Variants in HOXA5 observed in about 807,000 individuals in gnomAD.
HOXA5 encodes homeobox protein Hox-A5.
A neutral mutation model predicts 20.0 loss-of-function variants in HOXA5; 12 were observed. That is an observed-to-expected ratio of 0.60 (90% CI 0.38 to 0.97). HOXA5 has a LOEUF of 0.97. Among genes scored for constraint, HOXA5 ranks in the 50% least tolerant of loss-of-function variants. The pLI is 0.00. For synonymous variants in HOXA5, 159 were observed against 157.7 expected (o/e 1.01, Z -0.06); for missense variants, 352 against 380.3 (o/e 0.93, Z 0.62).
chr7:27,141,702 T>TA lies in HOXA5; in HGVS notation c.*132dup. ...TAATGGCAATAAACAGGCTCATGAT[T>TA]AAAAGATGAATTAGGGCAACGAGAA... is the stretch of plus-strand genomic sequence containing the variant. On this transcript the variant is annotated 3_prime_UTR_variant, in exon 2 of 2. Coordinates refer to ENST00000222726, the MANE Select transcript of HOXA5 (RefSeq NM_019102.4). The TA allele has an allele frequency of 8.8e-7, 1 of 1,135,154 alleles. No individual in the cohort carries two copies. Among genetic ancestry groups the TA allele is most frequent in the Non-Finnish European group, 1.3e-6 (1 of 796,082 alleles). The allele number at this position is 1,135,154 out of a possible 1,614,324, so 70.3% of individuals were successfully genotyped here.
rs1026312087 is a variant in HOXA5, at chr7:27,141,836, C to T, written c.812G>A (p.Ter271=). The T allele has an allele frequency of 6.2e-7, 1 of 1,613,714 alleles. No individual in the cohort carries two copies. Among genetic ancestry groups the T allele is most frequent in the Non-Finnish European group, 8.5e-7 (1 of 1,179,948 alleles). ...MAAAGGAFRP[*] ...TCAGTACTTTAAACGCTCAGATACT[C>T]AGGGACGGAAGGCCCCTCCTGCCGC... Residue 271 remains the stop codon, a stop_retained_variant, in exon 2 of 2, where the codon TGA becomes TAA. Transcript: ENST00000222726.
chr7:27,142,691 A>C, intron 1 of HOXA5: 1 of 285,686 alleles, frequency 3.5e-6, no homozygotes. Flanking sequence ...CCGCCGTGAC[A>C]AGCCCGATTC....
At position 27,143,388 on chromosome 7, in the gene HOXA5, C is replaced by G. The variant is rs773901396; in HGVS notation, c.220G>C (p.Ala74Pro). ...FGSGERARSYAASASAAPAEP... is the reference protein window; with the variant it reads ...FGSGERARSYPASASAAPAEP... Reference sequence around the variant, plus strand: ...GCGGGCGCCGCGCTGGCGCTGGCAGCGTAGCTGCGGGCGCGCTCTCCGGAG... The same window carrying G: ...GCGGGCGCCGCGCTGGCGCTGGCAGGGTAGCTGCGGGCGCGCTCTCCGGAG... Residue 74 changes from alanine (A) to proline (P), a missense_variant, in exon 1 of 2, where the codon GCT (alanine) becomes CCT (proline). Transcript: ENST00000222726. 7.5e-6 allele frequency: 12 copies of G among 1,601,744 alleles called. No individual in the cohort carries two copies. The Admixed American group carries it at 1.5e-4, about 20-fold the overall frequency.
Position 27,143,652 on chromosome 7 carries a change from G to C in HOXA5, c.-45C>G. On this transcript the variant is annotated 5_prime_UTR_variant, in exon 1 of 2. Transcript: ENST00000222726. ...CTTGATTTGTGGCTCGCGGTCGTTT[G>C]TGCGTCTATAGCACCCTTGCACAAT... 6.5e-7 allele frequency: 1 copy of C among 1,548,968 alleles called. No individual in the cohort carries two copies. The highest frequency in any genetic ancestry group is 1.3e-5 in the South Asian group (1 of 79,984).
intron 1 of HOXA5, 156 bp downstream of exon 1, chr7:27,142,883 GAGGAGGA>G (rs947675406): frequency 4.5e-5 from 29 of 643,334 alleles, no homozygotes; most frequent in Middle Eastern, 4.5e-4. Context: ...TCGCAAAGAA[GAGGAGGA>G]AGGAGGAAGG....
In HOXA5 at chr7:27,143,103, C is replaced by A; in HGVS notation, c.505G>T (p.Ala169Ser). 6.4e-7 allele frequency: 1 copy of A among 1,569,600 alleles called. No homozygotes were observed. Among genetic ancestry groups the A allele is most frequent in the Non-Finnish European group, 8.6e-7 (1 of 1,163,144 alleles). The change falls in exon 1 of 2, where the codon GCG (alanine) becomes TCG (serine). Residue 169 changes from alanine to serine, a missense_variant. By Grantham distance (99) the Ala-to-Ser change is moderately conservative. Coordinates refer to ENST00000222726, the MANE Select transcript of HOXA5 (RefSeq NM_019102.4). ...TAGATCTGGGGTTGGGCGGGCGGCG[C>A]CGGGCTCGGCTCGCTCTGCGCACTC... is the stretch of plus-strand genomic sequence containing the variant. ...QASAQSEPSP[A>S]PPAQPQIYPW...
chr7:27,143,379 C>A lies in HOXA5; in HGVS notation c.229G>T (p.Ala77Ser), dbSNP rs1461478454. The stretch of plus-strand genomic sequence containing the variant: ...CTGGGCTCGGCGGGCGCCGCGCTGG[C>A]GCTGGCAGCGTAGCTGCGGGCGCGC... The part of the protein sequence containing the change: ...GERARSYAAS[A>S]SAAPAEPRYS... The change falls in exon 1 of 2, where the codon GCC becomes TCC. Residue 77 changes from alanine to serine, a missense_variant. Physicochemically the swap from Ala to Ser is moderately conservative, Grantham distance 99 (BLOSUM62 1). Around this residue, in one of 3 missense-constraint regions of HOXA5, gnomAD observed 319 missense variants for 336.5 expected, o/e 0.95. Coordinates refer to ENST00000222726, the MANE Select transcript of HOXA5 (RefSeq NM_019102.4). 1.3e-6 allele frequency: 2 copies of A among 1,594,656 alleles called. No homozygotes were observed. The highest frequency in any genetic ancestry group is 1.3e-5 in the African/African-American group (1 of 74,400).
chr7:27,141,538 CTT>C lies in HOXA5; in HGVS notation c.*295_*296del, dbSNP rs1782569677. ...GGACTTTTTGTGTGTTTTTTTTTCT[CTT>C]TTCTTTTTTTGTTATAGTTACTTCA... On this transcript the variant is annotated 3_prime_UTR_variant, in exon 2 of 2. Transcript: ENST00000222726. The C allele has an allele frequency of 4.2e-6, 1 of 239,476 alleles. No homozygotes were observed. The highest frequency in any genetic ancestry group is 8.8e-5 in the South Asian group (1 of 11,308). 14.8% of individuals were successfully genotyped at this position (239,476 alleles called of 1,614,324 possible).
At position 27,141,644 on chromosome 7, in the gene HOXA5, G is replaced by T; in HGVS notation, c.*191C>A. The T allele has an allele frequency of 1.7e-6, 1 of 596,316 alleles. No homozygotes were observed. Among genetic ancestry groups the T allele is most frequent in the South Asian group, 2.8e-5 (1 of 35,246 alleles). 36.9% of individuals were successfully genotyped at this position (596,316 alleles called of 1,614,324 possible). A position where few individuals can be genotyped will look rare whatever the true frequency, so the allele number is the denominator to read the frequency against. On this transcript the variant is annotated 3_prime_UTR_variant, in exon 2 of 2. Transcript: ENST00000222726. ...ACAAAGCCATTCAGGACAAAGAGAT[G>T]AACAGAAAGCAGATCTACTTATACA...
Position 27,143,482 on chromosome 7 carries a change from G to T in HOXA5, c.126C>A (p.Ser42=). ...CATTGTAGCCGTAGCCGTACCTGCCGGAGTGCATGCTCGCCGAGTCCCTGA... is the reference window on the plus strand; with the variant it reads ...CATTGTAGCCGTAGCCGTACCTGCCTGAGTGCATGCTCGCCGAGTCCCTGA... The part of the protein sequence containing the change: ...EQFRDSASMH[S]GRYGYGYNGM... The change falls in exon 1 of 2, where the codon TCC becomes TCA. Residue 42 remains serine (S), a synonymous_variant. Coordinates refer to ENST00000222726, the MANE Select transcript of HOXA5 (RefSeq NM_019102.4). The T allele has an allele frequency of 1.2e-6, 2 of 1,613,868 alleles. No individual in the cohort carries two copies. Among genetic ancestry groups the T allele is most frequent in the Non-Finnish European group, 1.7e-6 (2 of 1,179,946 alleles).
rs3735527 is a variant in HOXA5 at position 27,142,115 on chromosome 7, C to G, written c.563-30G>C. ...AATAGAAAAGTCAGCGGTTTAGCCA[C>G]CAACTCCTGTCTTCCAAAGTCCGCC... On this transcript the variant is annotated intron_variant, in intron 1 of 1. Coordinates refer to ENST00000222726, the MANE Select transcript of HOXA5 (RefSeq NM_019102.4). 1.6e-5 allele frequency: 26 copies of G among 1,601,610 alleles called. No homozygotes were observed. In the East Asian group the frequency reaches 5.8e-4, roughly 36 times the overall value.
At chr7:27,142,837 C>A (rs865991134) in intron 1 of HOXA5, 50 of 524,934 alleles carry the variant, frequency 9.5e-5, no homozygotes, top group African/African-American at 9.1e-4. Flanking sequence ...TCCCAGAGAA[C>A]GCCCATTTCC....
chr7:27,143,472 C>T lies in HOXA5; in HGVS notation c.136G>A (p.Gly46Ser), dbSNP rs1355959652. The T allele has an allele frequency of 2.5e-6, 4 of 1,613,726 alleles. No homozygotes were observed. Among genetic ancestry groups the T allele is most frequent in the Non-Finnish European group, 3.4e-6 (4 of 1,179,948 alleles). The change falls in exon 1 of 2, where the codon GGC becomes AGC. Residue 46 changes from glycine (G) to serine (S), a missense_variant. Coordinates refer to ENST00000222726, the MANE Select transcript of HOXA5 (RefSeq NM_019102.4). ...DSASMHSGRY[G>S]YGYNGMDLSV... is the part of the protein sequence containing the mutation. Reference sequence around the variant, plus strand: ...AGATCCATGCCATTGTAGCCGTAGCCGTACCTGCCGGAGTGCATGCTCGCC... The same window carrying T: ...AGATCCATGCCATTGTAGCCGTAGCTGTACCTGCCGGAGTGCATGCTCGCC...
In HOXA5 at chr7:27,141,113, C is replaced by CAAAAAAAAAAAAAAAAAAA. The variant is rs147485948; in HGVS notation, c.*703_*721dup. ...AGTATTTTTTCCTTAAAAACAAATA[C>CAAAAAAAAAAAAAAAAAAA]AAAAAAAAAAAAAAAAAAAAAAAAG... is the stretch of plus-strand genomic sequence containing the variant. On this transcript the variant is annotated 3_prime_UTR_variant, in exon 2 of 2. Transcript: ENST00000222726. The CAAAAAAAAAAAAAAAAAAA allele has an allele frequency of 1.3e-4, 11 of 82,918 alleles. No homozygotes were observed. Among genetic ancestry groups the CAAAAAAAAAAAAAAAAAAA allele is most frequent in the African/African-American group, 5.4e-4 (11 of 20,386 alleles). The allele number at this position is 82,918 out of a possible 1,614,324, so 5.1% of individuals were successfully genotyped here.
In HOXA5 at chr7:27,141,519, T is replaced by G; in HGVS notation, c.*316A>C. The G allele has an allele frequency of 5.5e-6, 1 of 182,414 alleles. No individual in the cohort carries two copies. The allele number at this position is 182,414 out of a possible 1,614,324, so 11.3% of individuals were successfully genotyped here. On this transcript the variant is annotated 3_prime_UTR_variant, in exon 2 of 2. Coordinates refer to ENST00000222726, the MANE Select transcript of HOXA5 (RefSeq NM_019102.4). The stretch of plus-strand genomic sequence containing the variant: ...ACTAAACGAGATTGAAGGGGGACTT[T>G]TTGTGTGTTTTTTTTTCTCTTTTCT...
At position 27,143,086 on chromosome 7, in the gene HOXA5, G is replaced by A. The variant is rs760237815; in HGVS notation, c.522C>T (p.Pro174=). 2 of 1,556,978 alleles carry A rather than the reference G, an allele frequency of 1.3e-6. No individual in the cohort carries two copies. The highest frequency in any genetic ancestry group is 2.5e-5 in the South Asian group (2 of 80,534). ...SEPSPAPPAQ[P]QIYPWMRKLH... is the part of the protein sequence containing the mutation. Reference sequence around the variant, plus strand: ...GCTTGCGCATCCAGGGGTAGATCTGGGGTTGGGCGGGCGGCGCCGGGCTCG... The same window carrying A: ...GCTTGCGCATCCAGGGGTAGATCTGAGGTTGGGCGGGCGGCGCCGGGCTCG... The change falls in exon 1 of 2, where the codon CCC becomes CCT. Residue 174 remains proline (P), a synonymous_variant. Transcript: ENST00000222726.
chr7:27,143,536 A>T lies in HOXA5; in HGVS notation c.72T>A (p.Tyr24Ter). 6.2e-7 allele frequency: 1 copy of T among 1,613,352 alleles called. No individual in the cohort carries two copies. Among genetic ancestry groups the T allele is most frequent in the Non-Finnish European group, 8.5e-7 (1 of 1,179,756 alleles). ...PNGPDYQLHN[Y>*]GDHSSVSEQF... ...GCTCGCTCACGGAACTATGATCTCCATAATTATGCAACTGGTAGTCCGGGC... is the reference window on the plus strand; with the variant it reads ...GCTCGCTCACGGAACTATGATCTCCTTAATTATGCAACTGGTAGTCCGGGC... Residue 24 changes from tyrosine to a stop codon, truncating the protein, a stop_gained, in exon 1 of 2, where the codon TAT (tyrosine) becomes TAA (stop). Coordinates refer to ENST00000222726, the MANE Select transcript of HOXA5 (RefSeq NM_019102.4). LOFTEE classifies it high-confidence loss of function.
In HOXA5 at chr7:27,143,532, C is replaced by G. The variant is rs778346737; in HGVS notation, c.76G>C (p.Asp26His). 6 of 1,613,566 alleles carry G rather than the reference C, an allele frequency of 3.7e-6. No individual in the cohort carries two copies. The Admixed American group carries it at 8.3e-5, about 22-fold the overall frequency. The change falls in exon 1 of 2, where the codon GAT (aspartate) becomes CAT (histidine). Residue 26 changes from aspartate (D) to histidine (H), a missense_variant. By Grantham distance (81) the Asp-to-His change is moderately conservative (BLOSUM62 -1). This residue lies in a region of HOXA5 where 319 missense variants were observed against 336.5 expected (regional missense o/e 0.95). Coordinates refer to ENST00000222726, the MANE Select transcript of HOXA5 (RefSeq NM_019102.4). ...AATTGCTCGCTCACGGAACTATGAT[C>G]TCCATAATTATGCAACTGGTAGTCC... ...GPDYQLHNYGDHSSVSEQFRD... is the reference protein window; with the variant it reads ...GPDYQLHNYGHHSSVSEQFRD...
In HOXA5 at chr7:27,141,751, A is replaced by G. The variant is rs1434637296; in HGVS notation, c.*84T>C. 2 of 1,520,502 alleles carry G rather than the reference A, an allele frequency of 1.3e-6. No individual in the cohort carries two copies. The highest frequency in any genetic ancestry group is 2.8e-5 in the African/African-American group (2 of 72,374). 94.2% of individuals were successfully genotyped at this position (1,520,502 alleles called of 1,614,324 possible). The stretch of plus-strand genomic sequence containing the variant: ...AACAGGGCTTCTTCACAGAAGGAAC[A>G]CAAGGGAGTTTCAGAAAGTCACCTT... On this transcript the variant is annotated 3_prime_UTR_variant, in exon 2 of 2. Transcript: ENST00000222726.
Sources: gnomAD v4.1 joint callset for allele counts on GRCh38, gnomAD v4.1.1 for gene constraint, gnomAD v4.1.1 regional missense constraint, MANE v1.5 for transcripts, NCBI Gene and HGNC (gene_info 2026-07-23, HGNC 2026-07-21) for gene names.